Variants in SLX4 observed in about 807,000 individuals in gnomAD.
SLX4 encodes structure-specific endonuclease subunit SLX4.
In SLX4, 112 loss-of-function variants were observed where a neutral mutation model predicts 146.2. The ratio of observed to expected loss-of-function variants is 0.77; its 90% CI spans 0.66 to 0.90. SLX4 has a LOEUF of 0.90. Ranked by LOEUF, SLX4 falls within the 40% of genes least tolerant of loss-of-function variation. The pLI is 0.00. For missense variants in SLX4, 2,563 were observed against 2,392.7 expected, an observed-to-expected ratio of 1.07 and a Z score of -1.49; for synonymous variants, 1,061 against 997.7, an observed-to-expected ratio of 1.06 and a Z score of -1.20.
chr16:3,600,046 G>A (rs2040709068), intron 5 of SLX4, among the ~76,000 whole-genome samples: 2 of 152,122 alleles, frequency 1.3e-5, no homozygotes, highest in Admixed American at 1.3e-4. Flanking sequence ...AACCTTTTTG[G>A]TACCAGGAAC....
rs1378678648 is a variant in SLX4, at chr16:3,596,059, G to A, written c.1924+94C>T. 33 of 1,475,854 alleles carry A rather than the reference G, an allele frequency of 2.2e-5. 1 individual carries two copies. The highest frequency in any genetic ancestry group is 1.7e-4 in the East Asian group (7 of 40,366). The allele number at this position is 1,475,854 out of a possible 1,614,324, so 91.4% of individuals were successfully genotyped here. On this transcript the variant is annotated intron_variant, in intron 8 of 14. Coordinates refer to ENST00000294008, the MANE Select transcript of SLX4 (RefSeq NM_032444.4). ...CCCACCAGGTCAGAGCTGCCGTCGC[G>A]GCGGCACAAGAGCCAGTCCATGGCA...
Position 3,590,828 on chromosome 16 carries a change from CCT to C in SLX4, c.2808_2809del (p.Ala938ThrfsTer7), listed in dbSNP as rs767631456. 81 of 1,613,974 alleles carry C rather than the reference CCT, an allele frequency of 5.0e-5. No individual in the cohort carries two copies. Among genetic ancestry groups the C allele is most frequent in the Non-Finnish European group, 6.7e-5 (79 of 1,180,022 alleles). On this transcript the variant is annotated frameshift_variant, in exon 12 of 15. Transcript: ENST00000294008. LOFTEE classifies it high-confidence loss of function. This position sits in a 1 kb window ranked among gnomAD's most constrained non-coding sequence, Gnocchi z 4.8. ...CTCAGGGGCCTCTGCTCCCCGTGCC[CCT>C]GAGTGCTGGCCCTGGGGTGGCGGGA...
At chr16:3,611,382 C>G (rs547014523) in intron 1 of SLX4, among the ~76,000 whole-genome samples, 178 bp downstream of exon 1, 1,598 of 152,364 alleles carry the variant, frequency 0.01, 19 homozygotes, top group Non-Finnish European at 0.014. Flanking sequence ...GGCCCCTCTC[C>G]ACCCGAGTGC....
rs375786206 is a variant in SLX4, at chr16:3,596,220, C to T, written c.1857G>A (p.Ala619=). Residue 619 remains alanine, a synonymous_variant, in exon 8 of 15, where the codon GCG becomes GCA. Coordinates refer to ENST00000294008, the MANE Select transcript of SLX4 (RefSeq NM_032444.4). ...ACGGGCTGGCGCTCAGTCCCTCCCT[C>T]GCCAGGTCCACGAGGTCCTGCAGGG... The part of the protein sequence containing the change: ...HQALQDLVDL[A]REGLSASPWP... 9.0e-6 allele frequency: 14 copies of T among 1,551,032 alleles called. No homozygotes were observed. Among genetic ancestry groups the T allele is most frequent in the South Asian group, 2.4e-5 (2 of 84,424 alleles).
chr16:3,590,863 C>T lies in SLX4; in HGVS notation c.2775G>A (p.Gln925=). 8 of 1,614,144 alleles carry T rather than the reference C, an allele frequency of 5.0e-6. No homozygotes were observed. The highest frequency in any genetic ancestry group is 6.8e-6 in the Non-Finnish European group (8 of 1,180,024). The change falls in exon 12 of 15, where the codon CAG becomes CAA. Residue 925 remains glutamine, a synonymous_variant. Transcript: ENST00000294008. This position sits in a 1 kb window ranked among gnomAD's most constrained non-coding sequence, Gnocchi z 4.8. ...EAATTWEKMG[Q]CALPPPQGQH... is the part of the protein sequence containing the mutation. ...GGCCCTGGGGTGGCGGGAGAGCGCACTGTCCCATCTTCTCCCAGGTGGTGG... is the reference window on the plus strand; with the variant it reads ...GGCCCTGGGGTGGCGGGAGAGCGCATTGTCCCATCTTCTCCCAGGTGGTGG...
intron 3 of SLX4, 108 bp downstream of exon 3, chr16:3,606,366 A>G: frequency 8.4e-7 from 1 of 1,186,206 alleles, no homozygotes; most frequent in Non-Finnish European, 1.3e-6. Context: ...TCAAGCAGAG[A>G]GCCTATCCAC....
chr16:3,608,565 C>G lies in SLX4; in HGVS notation c.400G>C (p.Ala134Pro), dbSNP rs2151139279. 6.2e-7 allele frequency: 1 copy of G among 1,614,226 alleles called. No individual in the cohort carries two copies. Among genetic ancestry groups the G allele is most frequent in the Non-Finnish European group, 8.5e-7 (1 of 1,180,044 alleles). ...RVTKWQASEP[A>P]HSVNGEGGVL... ...CCCCCCTCCCCATTCACAGAGTGGG[C>G]CGGTTCACTTGCTTGCCATTTGGTT... Residue 134 changes from alanine (A) to proline (P), a missense_variant, in exon 2 of 15, where the codon GCC (alanine) becomes CCC (proline). By Grantham distance (27) the Ala-to-Pro change is conservative. Coordinates refer to ENST00000294008, the MANE Select transcript of SLX4 (RefSeq NM_032444.4).
chr16:3,589,703 C>G lies in SLX4; in HGVS notation c.3935G>C (p.Arg1312Thr). 1 of 1,613,946 alleles carries G rather than the reference C, an allele frequency of 6.2e-7. No homozygotes were observed. Among genetic ancestry groups the G allele is most frequent in the Non-Finnish European group, 8.5e-7 (1 of 1,180,036 alleles). Residue 1312 changes from arginine to threonine, a missense_variant, in exon 12 of 15, where the codon AGG (arginine) becomes ACG (threonine). By Grantham distance (71) the Arg-to-Thr change is moderately conservative. Coordinates refer to ENST00000294008, the MANE Select transcript of SLX4 (RefSeq NM_032444.4). The surrounding 1 kb of genome is among the most constrained non-coding windows in gnomAD (Gnocchi z 6.2). ...TGTCTGGGGCGGTGGTGTCTGGGGC[C>G]TGATGACAGAAAACTTCTGTGCGAC... ...NEVAQKFSVI[R>T]PQTPPPQTPS...
rs915366476 is a variant in SLX4 at position 3,609,131 on chromosome 16, C to T, written c.-167G>A. 5.5e-5 allele frequency: 42 copies of T among 765,704 alleles called. 1 individual carries two copies. The highest frequency in any genetic ancestry group is 3.8e-4 in the Middle Eastern group (1 of 2,654). 47.4% of individuals were successfully genotyped at this position (765,704 alleles called of 1,614,324 possible). On this transcript the variant is annotated 5_prime_UTR_variant, in exon 2 of 15. Transcript: ENST00000294008. Reference sequence around the variant, plus strand: ...TTAAAGTCCACAACTGGGCCGGGCGCGGTGGCTCACACTTGTAATCCCAGC... The same window carrying T: ...TTAAAGTCCACAACTGGGCCGGGCGTGGTGGCTCACACTTGTAATCCCAGC...
At chr16:3,584,271 A>G (rs1030024312) in intron 13 of SLX4, among the ~76,000 whole-genome samples, 4 of 152,062 alleles carry the variant, frequency 2.6e-5, no homozygotes, top group African/African-American at 9.6e-5. Flanking sequence ...AAATACAACA[A>G]TTAGCCTGGT....
Position 3,608,652 on chromosome 16 carries a change from C to A in SLX4, c.313G>T (p.Gly105Cys), listed in dbSNP as rs544941610. ...GACGGAGGTTTCTTCTCTGCAGGGCCTTGAAGGGTTTTGGTCTTGGTAGCA... is the reference window on the plus strand; with the variant it reads ...GACGGAGGTTTCTTCTCTGCAGGGCATTGAAGGGTTTTGGTCTTGGTAGCA... The part of the protein sequence containing the change: ...QTATKTKTLQ[G>C]PAEKKPPSGS... Residue 105 changes from glycine to cysteine, a missense_variant, in exon 2 of 15, where the codon GGC becomes TGC. Gly to Cys is a radical substitution (Grantham distance 159, BLOSUM62 -3). Transcript: ENST00000294008. The A allele has an allele frequency of 3.1e-6, 5 of 1,614,192 alleles. No homozygotes were observed. In the African/African-American group the frequency reaches 5.3e-5, roughly 17 times the overall value.
rs766844422 is a variant in SLX4, at chr16:3,608,829, C to T, written c.136G>A (p.Glu46Lys). The T allele has an allele frequency of 1.2e-6, 2 of 1,614,038 alleles. No individual in the cohort carries two copies. The highest frequency in any genetic ancestry group is 2.7e-5 in the African/African-American group (2 of 74,910). ...AGTTCTTTAAAGTCCTCATCAGACT[C>T]ATCCATCATCTGACCAGTTTTAAGG... ...ESLKTGQMMD[E>K]SDEDFKELCA... is the part of the protein sequence containing the mutation. The change falls in exon 2 of 15, where the codon GAG becomes AAG. Residue 46 changes from glutamate to lysine, a missense_variant. By Grantham distance (56) the Glu-to-Lys change is moderately conservative. Coordinates refer to ENST00000294008, the MANE Select transcript of SLX4 (RefSeq NM_032444.4).
chr16:3,591,879 G>C (rs1484838266), intron 11 of SLX4, among the ~76,000 whole-genome samples: 1 of 152,208 alleles, frequency 6.6e-6, no homozygotes, highest in East Asian at 1.9e-4. Flanking sequence ...AAAAGGTCAT[G>C]CATGGTGGCT....
rs1167162390 is a variant in SLX4 at position 3,596,210 on chromosome 16, G to C, written c.1867C>G (p.Leu623Val). The change falls in exon 8 of 15, where the codon CTG becomes GTG. Residue 623 changes from leucine to valine, a missense_variant. Leu to Val is a conservative substitution (Grantham distance 32, BLOSUM62 1). Transcript: ENST00000294008. The part of the protein sequence containing the change: ...QDLVDLAREG[L>V]SASPWPGSGG... The stretch of plus-strand genomic sequence containing the variant: ...CTGCCGGGCCACGGGCTGGCGCTCA[G>C]TCCCTCCCTCGCCAGGTCCACGAGG... The C allele has an allele frequency of 6.4e-7, 1 of 1,550,736 alleles. No homozygotes were observed. The highest frequency in any genetic ancestry group is 8.7e-7 in the Non-Finnish European group (1 of 1,149,466).
Position 3,596,272 on chromosome 16 carries a change from G to A in SLX4, c.1805C>T (p.Pro602Leu), listed in dbSNP as rs956483964. The A allele has an allele frequency of 8.3e-6, 13 of 1,565,064 alleles. No individual in the cohort carries two copies. Among genetic ancestry groups the A allele is most frequent in the Non-Finnish European group, 1.0e-5 (12 of 1,156,162 alleles). Residue 602 changes from proline (P) to leucine (L), a missense_variant, in exon 8 of 15, where the codon CCT (proline) becomes CTT (leucine). Coordinates refer to ENST00000294008, the MANE Select transcript of SLX4 (RefSeq NM_032444.4). ...CTGGTGCTCCCTCTGGCTGGCCGAAGGCGACGGGCCCCTGGAGCCACAGCC... is the reference window on the plus strand; with the variant it reads ...CTGGTGCTCCCTCTGGCTGGCCGAAAGCGACGGGCCCCTGGAGCCACAGCC... ...TAGCGSRGPS[P>L]SASQREHQAL...
chr16:3,583,027 G>A (rs1004300891), intron 14 of SLX4, 70 bp downstream of exon 14: 71 of 1,578,456 alleles, frequency 4.5e-5, no homozygotes, highest in African/African-American at 4.0e-5. Flanking sequence ...GGTCTCACTC[G>A]TGCCAACCCT....
At position 3,591,311 on chromosome 16, in the gene SLX4, C is replaced by G; in HGVS notation, c.2328-1G>C. Reference sequence around the variant, plus strand: ...GTGAACGAGCTCACTCACGCCAAACCTGCAACACGAAACATCGACAGTCAT... The same window carrying G: ...GTGAACGAGCTCACTCACGCCAAACGTGCAACACGAAACATCGACAGTCAT... On this transcript the variant is annotated splice_acceptor_variant, in intron 11 of 14. Coordinates refer to ENST00000294008, the MANE Select transcript of SLX4 (RefSeq NM_032444.4). LOFTEE classifies it high-confidence loss of function. The G allele has an allele frequency of 6.2e-7, 1 of 1,610,544 alleles. No homozygotes were observed. Among genetic ancestry groups the G allele is most frequent in the Non-Finnish European group, 8.5e-7 (1 of 1,180,022 alleles).
rs1292000292 is a variant in SLX4, at chr16:3,609,554, C to G, written c.-590G>C. ...ATGATGATGAAACATATATGGTTCA[C>G]TTAATTACACATCTGTGGAAAACCA... On this transcript the variant is annotated 5_prime_UTR_variant, in exon 2 of 15. Coordinates refer to ENST00000294008, the MANE Select transcript of SLX4 (RefSeq NM_032444.4). 1 of 153,568 alleles carries G rather than the reference C, an allele frequency of 6.5e-6. No homozygotes were observed. The highest frequency in any genetic ancestry group is 2.4e-5 in the African/African-American group (1 of 41,454). The allele number at this position is 153,568 out of a possible 1,614,324, so 9.5% of individuals were successfully genotyped here. A position where few individuals can be genotyped will look rare whatever the true frequency, so the allele number is the denominator to read the frequency against.
At position 3,582,953 on chromosome 16, in the gene SLX4, C is replaced by G. The variant is rs2040457867; in HGVS notation, c.5153+144G>C. The G allele has an allele frequency of 4.5e-6, 5 of 1,107,068 alleles. No homozygotes were observed. In the Admixed American group the frequency reaches 9.6e-5, roughly 21 times the overall value. 68.6% of individuals were successfully genotyped at this position (1,107,068 alleles called of 1,614,324 possible). A position where few individuals can be genotyped will look rare whatever the true frequency, so the allele number is the denominator to read the frequency against. On this transcript the variant is annotated intron_variant, in intron 14 of 14. Transcript: ENST00000294008. ...GGGGTCAGGGAACCAGCCCCCTAAA[C>G]CCACCTGGTTTTCCCACAGGTCAAA...
Sources: allele counts gnomAD v4.1 joint callset (sites outside exome capture counted in the v4.1 genomes callset), GRCh38; gene constraint gnomAD v4.1.1; non-coding constraint Gnocchi (gnomAD v3.1); transcripts MANE v1.5; gene names NCBI Gene and HGNC (gene_info 2026-07-23, HGNC 2026-07-21).